TANC2: variants seen among roughly 807,000 people sequenced by gnomAD.
TANC2 encodes protein TANC2.
TANC2 carries 26 observed loss-of-function variants against 210.5 expected under a neutral mutation model. The observed-to-expected ratio is 0.12, with a 90% CI of 0.09 to 0.17. The LOEUF (loss-of-function observed/expected upper bound fraction) is 0.17, where lower values mean the gene tolerates loss of function less well. TANC2 is among the 10% of genes least tolerant of loss of function. TANC2 has a pLI of 1.00. For missense variants in TANC2, 2,129 were observed against 2,608.9 expected, an observed-to-expected ratio of 0.82 and a Z score of 4.01; for synonymous variants, 931 against 967.1, an observed-to-expected ratio of 0.96 and a Z score of 0.69.
intron 17 of TANC2, among the ~76,000 whole-genome samples, chr17:63,394,270 T>C (rs1037791507): frequency 6.6e-6 from 1 of 152,242 alleles, no homozygotes; most frequent in African/African-American, 2.4e-5. Context: ...ATTACCATTA[T>C]TATTCATTTT....
At chr17:62,989,157 T>C (rs1373083855) in intron 1 of TANC2, among the ~76,000 whole-genome samples, 1 of 152,236 alleles carries the variant, frequency 6.6e-6, no homozygotes, top group East Asian at 1.9e-4. Flanking sequence ...AACGGACTGA[T>C]GCTTCTTTTA....
intron 13 of TANC2, among the ~76,000 whole-genome samples, chr17:63,351,944 T>TTTG (rs1228944019): frequency 2.6e-5 from 4 of 152,060 alleles, no homozygotes; most frequent in South Asian, 2.1e-4. Flanking sequence ...AGAGAAGGTT[T>TTTG]TTGTTGTTGT....
intron 14 of TANC2, 34 bp from the exon 15 acceptor site, chr17:63,379,680 AAATT>A (rs746590060): frequency 4.7e-6 from 7 of 1,477,274 alleles, no homozygotes; most frequent in South Asian, 3.7e-5. Flanking sequence ...ATAAATAAAT[AAATT>A]AATTAATTAA....
intron 3 of TANC2, among the ~76,000 whole-genome samples, chr17:63,095,492 G>A (rs183485707): frequency 1.2e-4 from 19 of 152,214 alleles, no homozygotes; most frequent in Middle Eastern, 3.4e-3. Flanking sequence ...TCTTAAGTAT[G>A]TTCCTTTGAT....
rs1486383943 is a variant in TANC2 at position 63,418,291 on chromosome 17, C to T, written c.4168-16C>T. The T allele has an allele frequency of 6.2e-7, 1 of 1,608,470 alleles. No individual in the cohort carries two copies. The highest frequency in any genetic ancestry group is 1.1e-5 in the South Asian group (1 of 89,988). ...ATCTCATCAATGACTCATTTGCACACCTATTGTAATGACAGGATTTTGGAA... is the reference window on the plus strand; with the variant it reads ...ATCTCATCAATGACTCATTTGCACATCTATTGTAATGACAGGATTTTGGAA... On this transcript the variant is annotated splice_polypyrimidine_tract_variant and intron_variant, in intron 26 of 27. Coordinates refer to ENST00000689528, the Ensembl canonical transcript of TANC2. This position sits in a 1 kb window ranked among gnomAD's most constrained non-coding sequence, Gnocchi z 4.6.
Position 63,389,290 on chromosome 17 carries a change from C to T in TANC2, c.2815-18C>T, listed in dbSNP as rs761061004. The T allele has an allele frequency of 6.3e-7, 1 of 1,587,240 alleles. No homozygotes were observed. The highest frequency in any genetic ancestry group is 2.2e-5 in the East Asian group (1 of 44,644). On this transcript the variant is annotated intron_variant, in intron 16 of 27. Transcript: ENST00000689528. ...ACTCCTGTTTGTCTAATTATTAGTTCTGTTTGTTTATTTCTAGGTCAGCCG... is the reference window on the plus strand; with the variant it reads ...ACTCCTGTTTGTCTAATTATTAGTTTTGTTTGTTTATTTCTAGGTCAGCCG...
At chr17:63,115,773 A>G (rs111954813) in intron 4 of TANC2, among the ~76,000 whole-genome samples, 1 of 152,150 alleles carries the variant, frequency 6.6e-6, no homozygotes, top group African/African-American at 2.4e-5. Flanking sequence ...ATTTTTTTCT[A>G]TTCCCACAGT....
intron 2 of TANC2, among the ~76,000 whole-genome samples, chr17:63,045,049 A>G (rs369262482): frequency 2.6e-5 from 4 of 152,148 alleles, no homozygotes; most frequent in Admixed American, 1.3e-4. Context: ...TTATTTTCCA[A>G]TCATTCCGAA....
At chr17:63,051,661 T>C (rs2035586512) in intron 2 of TANC2, among the ~76,000 whole-genome samples, 1 of 152,172 alleles carries the variant, frequency 6.6e-6, no homozygotes, top group Admixed American at 6.6e-5. Flanking sequence ...CAACTATGAT[T>C]GTGTGAAAGT....
chr17:63,411,378 G>C (rs1056908134), intron 21 of TANC2, 133 bp from the exon 22 acceptor site: 16 of 817,344 alleles, frequency 2.0e-5, no homozygotes, highest in Non-Finnish European at 3.0e-5. Context: ...TGGCATACCA[G>C]CATCAGTCTT....
chr17:63,186,538 G>A (rs2040991661), intron 5 of TANC2, among the ~76,000 whole-genome samples: 1 of 151,756 alleles, frequency 6.6e-6, no homozygotes, highest in Admixed American at 6.6e-5. Context: ...ATTTTTAGTA[G>A]AGTCGGGTTT....
chr17:62,996,149 C>T (rs1224987176), intron 1 of TANC2, among the ~76,000 whole-genome samples: 2 of 152,206 alleles, frequency 1.3e-5, no homozygotes, highest in African/African-American at 4.8e-5. Flanking sequence ...AGAGTTTTTA[C>T]GTTTTCCAGA....
Position 63,421,639 on chromosome 17 carries a change from C to T in TANC2, c.5909C>T (p.Pro1970Leu). 6.2e-7 allele frequency: 1 copy of T among 1,614,064 alleles called. No homozygotes were observed. The highest frequency in any genetic ancestry group is 8.5e-7 in the Non-Finnish European group (1 of 1,179,910). Residue 1970 changes from proline to leucine, a missense_variant, in exon 28 of 28, where the codon CCT becomes CTT. By Grantham distance (98) the Pro-to-Leu change is moderately conservative. Around this residue, in one of 5 missense-constraint regions of TANC2, gnomAD observed 161 missense variants for 178.6 expected, o/e 0.90. Transcript: ENST00000689528. This position sits in a 1 kb window ranked among gnomAD's most constrained non-coding sequence, Gnocchi z 6.9. ...AGTCCCACGTCTCCAGGCAACCTGC[C>T]TCAGCCTGAGTCCTTCAGTCCACCA...
At chr17:63,238,850 C>T (rs1381986422) in intron 8 of TANC2, among the ~76,000 whole-genome samples, 3 of 152,216 alleles carry the variant, frequency 2.0e-5, no homozygotes, top group African/African-American at 4.8e-5. Context: ...AGAGAGCAAG[C>T]ACACAGGGGA....
At chr17:63,347,662 A>G (rs982075961) in intron 12 of TANC2, among the ~76,000 whole-genome samples, 49 of 152,366 alleles carry the variant, frequency 3.2e-4, no homozygotes, top group African/African-American at 1.1e-3. Context: ...TGATTAAAAT[A>G]CATACACGCA....
intron 7 of TANC2, among the ~76,000 whole-genome samples, chr17:63,234,178 C>T (rs2042556209): frequency 6.6e-6 from 1 of 152,140 alleles, no homozygotes; most frequent in African/African-American, 2.4e-5. Context: ...ATCTCTTGCA[C>T]CTATTCCCCT....
At chr17:63,020,637 G>A (rs1332732846) in intron 2 of TANC2, among the ~76,000 whole-genome samples, 1 of 152,136 alleles carries the variant, frequency 6.6e-6, no homozygotes, top group Non-Finnish European at 1.5e-5. Flanking sequence ...GTTAAATTCT[G>A]TGTACCCCAT....
chr17:63,250,286 T>G (rs1323888421), intron 8 of TANC2, among the ~76,000 whole-genome samples: 1 of 150,210 alleles, frequency 6.7e-6, no homozygotes, highest in African/African-American at 2.5e-5. Flanking sequence ...ATTATAGTAT[T>G]TATTTATTTA....
intron 7 of TANC2, among the ~76,000 whole-genome samples, chr17:63,212,497 A>G (rs971435103): frequency 6.6e-6 from 1 of 152,210 alleles, no homozygotes; most frequent in African/African-American, 2.4e-5. Flanking sequence ...GTAATGACAG[A>G]TATGTTTGGT....
Sources: gnomAD v4.1 joint callset for allele counts (sites outside exome capture counted in the v4.1 genomes callset) on GRCh38, gnomAD v4.1.1 for gene constraint, gnomAD v4.1.1 regional missense constraint, Gnocchi (gnomAD v3.1) non-coding constraint, MANE v1.5 for transcripts, NCBI Gene and HGNC (gene_info 2026-07-23, HGNC 2026-07-21) for gene names.